Variants in ATAD5 observed in about 807,000 individuals in gnomAD.
ATAD5 encodes ATPase family AAA domain-containing protein 5.
ATAD5 carries 58 observed loss-of-function variants against 176.9 expected under a neutral mutation model. The ratio of observed to expected loss-of-function variants is 0.33; its 90% confidence interval spans 0.27 to 0.41. ATAD5 has a LOEUF of 0.41. Ranked by LOEUF, ATAD5 falls within the 10% of genes least tolerant of loss-of-function variation. The pLI, the probability that ATAD5 is intolerant of heterozygous loss-of-function variation, is 1.00. For missense variants in ATAD5, 1,789 were observed against 2,094.1 expected, an observed-to-expected ratio of 0.85 and a Z score of 2.84; for synonymous variants, 640 against 712.6, an observed-to-expected ratio of 0.90 and a Z score of 1.62.
chr17:30,865,591 A>T, intron 10 of ATAD5, 113 bp from the exon 11 acceptor site: 1 of 575,518 alleles, frequency 1.7e-6, no homozygotes. Flanking sequence ...TGTAAATATA[A>T]ATATTTCTGC....
At chr17:30,882,312 TA>T (rs1281048191) in intron 18 of ATAD5, among the ~76,000 whole-genome samples, 1 of 151,734 alleles carries the variant, frequency 6.6e-6, no homozygotes, top group Non-Finnish European at 1.5e-5. Context: ...CCTATAATCC[TA>T]GCACTTTTGG....
At position 30,869,229 on chromosome 17, in the gene ATAD5, C is replaced by T; in HGVS notation, c.3314-19C>T. 6.3e-7 allele frequency: 1 copy of T among 1,588,602 alleles called. No homozygotes were observed. The highest frequency in any genetic ancestry group is 2.2e-5 in the East Asian group (1 of 44,766). On this transcript the variant is annotated intron_variant, in intron 12 of 22. Coordinates refer to ENST00000321990, the MANE Select transcript of ATAD5 (RefSeq NM_024857.5). ...TCCTCAGCAATTGTCATTTTATATGCATTTGAATAATTTTTCAGATTTCTC... is the reference window on the plus strand; with the variant it reads ...TCCTCAGCAATTGTCATTTTATATGTATTTGAATAATTTTTCAGATTTCTC...
In ATAD5 at chr17:30,834,557, T is replaced by C. The variant is rs754290871; in HGVS notation, c.476T>C (p.Leu159Ser). Residue 159 changes from leucine to serine, a missense_variant, in exon 2 of 23, where the codon TTA becomes TCA. Leu to Ser is a moderately radical substitution (Grantham distance 145, BLOSUM62 -2). Around this residue, in one of 6 missense-constraint regions of ATAD5, gnomAD observed 696 missense variants for 712.5 expected, o/e 0.98. Transcript: ENST00000321990. ...NDFVESSTSVLRYKKQVEVLA... is the reference protein window; with the variant it reads ...NDFVESSTSVSRYKKQVEVLA... Reference sequence around the variant, plus strand: ...TTTGTGGAAAGTAGTACTTCTGTTTTACGTTACAAGAAACAAGTAGAGGTA... The same window carrying C: ...TTTGTGGAAAGTAGTACTTCTGTTTCACGTTACAAGAAACAAGTAGAGGTA... 2 of 1,603,388 alleles carry C rather than the reference T, an allele frequency of 1.2e-6. No individual in the cohort carries two copies. The highest frequency in any genetic ancestry group is 4.5e-5 in the East Asian group (2 of 44,816).
intron 3 of ATAD5, 126 bp downstream of exon 3, chr17:30,837,440 A>G (rs1002150059): frequency 3.1e-6 from 2 of 647,742 alleles, no homozygotes; most frequent in Non-Finnish European, 2.7e-6. Context: ...TAAATTGGTT[A>G]ACTACAACCC....
intron 12 of ATAD5, 97 bp downstream of exon 12, chr17:30,868,509 A>T (rs1301364294): frequency 7.9e-4 from 385 of 486,256 alleles, no homozygotes; most frequent in Non-Finnish European, 8.5e-4. Flanking sequence ...TTTTTTTTTA[A>T]TTTTTTTTTT....
intron 18 of ATAD5, among the ~76,000 whole-genome samples, chr17:30,881,011 G>A (rs919073042): frequency 1.9e-4 from 28 of 150,820 alleles, no homozygotes; most frequent in Middle Eastern, 3.4e-3. Context: ...TTCTTACGAT[G>A]ATGAACAAGG....
chr17:30,876,684 G>T, intron 15 of ATAD5, 134 bp downstream of exon 15: 12 of 238,848 alleles, frequency 5.0e-5, no homozygotes, highest in East Asian at 1.9e-4. Context: ...ACATGTAGAA[G>T]TGTTAATATT....
chr17:30,841,246 G>A (rs569398677), intron 4 of ATAD5, among the ~76,000 whole-genome samples: 1 of 152,208 alleles, frequency 6.6e-6, no homozygotes, highest in South Asian at 2.1e-4. Flanking sequence ...CTGACCTCAG[G>A]TGATCCACCT....
intron 14 of ATAD5, among the ~76,000 whole-genome samples, chr17:30,873,689 C>CTTT (rs775055653): frequency 0.15 from 19,723 of 129,220 alleles, 1,788 homozygotes; most frequent in African/African-American, 0.25. Flanking sequence ...TAAAAATTGC[C>CTTT]TTTTTTTTTT....
rs775988695 is a variant in ATAD5 at position 30,834,927 on chromosome 17, A to G, written c.846A>G (p.Ile282Met). 3.7e-6 allele frequency: 6 copies of G among 1,612,104 alleles called. No individual in the cohort carries two copies. The highest frequency in any genetic ancestry group is 1.3e-5 in the African/African-American group (1 of 74,788). The change falls in exon 2 of 23, where the codon ATA becomes ATG. Residue 282 changes from isoleucine (I) to methionine (M), a missense_variant. Transcript: ENST00000321990. The part of the protein sequence containing the change: ...KSHKENKVEE[I>M]PDSTMSICVP... ...ACAAGGAAAATAAAGTGGAAGAGAT[A>G]CCAGACTCTACAATGTCAATTTGTG...
Position 30,837,224 on chromosome 17 carries a change from T to C in ATAD5, c.1986T>C (p.Ile662=), listed in dbSNP as rs369315723. The C allele has an allele frequency of 3.6e-4, 555 of 1,551,164 alleles. 1 individual carries two copies. The highest frequency in any genetic ancestry group is 3.4e-4 in the Middle Eastern group (2 of 5,852). Reference sequence around the variant, plus strand: ...ATTTCAGAATGAAATTCACCAGAATTAGTACTCCCAAAAAATCTAAGAAAA... The same window carrying C: ...ATTTCAGAATGAAATTCACCAGAATCAGTACTCCCAAAAAATCTAAGAAAA... ...ESPIRMKFTR[I]STPKKSKKKS... is the part of the protein sequence containing the mutation. Residue 662 remains isoleucine (I), a synonymous_variant, in exon 3 of 23, where the codon ATT becomes ATC. Coordinates refer to ENST00000321990, the MANE Select transcript of ATAD5 (RefSeq NM_024857.5).
intron 6 of ATAD5, among the ~76,000 whole-genome samples, chr17:30,853,586 A>G (rs755271345): frequency 6.6e-6 from 1 of 152,214 alleles, no homozygotes; most frequent in African/African-American, 2.4e-5. Context: ...ACAGAAATAC[A>G]GAAAAAGTTT....
In ATAD5 at chr17:30,834,782, A is replaced by C. The variant is rs1213338359; in HGVS notation, c.701A>C (p.Lys234Thr). ...CTAAATTTGCTTAAAAAAGATGGTA[A>C]AGATACTAAACAGATGGAGAATACT... ...EELNLLKKDG[K>T]DTKQMENTTS... is the part of the protein sequence containing the mutation. Residue 234 changes from lysine (K) to threonine (T), a missense_variant, in exon 2 of 23, where the codon AAA becomes ACA. Physicochemically the swap from Lys to Thr is moderately conservative, Grantham distance 78. Transcript: ENST00000321990. 6.8e-6 allele frequency: 11 copies of C among 1,614,014 alleles called. No homozygotes were observed. The highest frequency in any genetic ancestry group is 9.3e-6 in the Non-Finnish European group (11 of 1,179,998).
At chr17:30,846,408 TTC>T (rs1906503750) in intron 6 of ATAD5, among the ~76,000 whole-genome samples, 1 of 149,802 alleles carries the variant, frequency 6.7e-6, no homozygotes, top group Non-Finnish European at 1.5e-5. Context: ...TTTTTTTTTT[TTC>T]TTTTTTTTTT....
chr17:30,880,398 C>T (rs913432323), intron 18 of ATAD5, among the ~76,000 whole-genome samples: 2 of 152,174 alleles, frequency 1.3e-5, no homozygotes, highest in African/African-American at 2.4e-5. Flanking sequence ...CACCTGAGGT[C>T]GGGAGTTTGA....
chr17:30,867,492 A>G (rs180822790), intron 11 of ATAD5, among the ~76,000 whole-genome samples: 2 of 152,356 alleles, frequency 1.3e-5, no homozygotes, highest in African/African-American at 4.8e-5. Flanking sequence ...AAAGTCACAC[A>G]GCTAGAAAGT....
rs34774584 is a variant in ATAD5 at position 30,846,721 on chromosome 17, C to CTT, written c.2450+1820_2450+1821dup. On this transcript the variant is annotated intron_variant, in intron 6 of 22. Coordinates refer to ENST00000321990, the MANE Select transcript of ATAD5 (RefSeq NM_024857.5). ...CAGCCAACAGTTTGAATTTTTCTCT[C>CTT]TTTTTTTTTTTTTTTTGAGACGGAG... Among the ~76,000 whole-genome samples, 999 of 129,240 alleles carry CTT rather than the reference C, an allele frequency of 7.7e-3. 11 individuals carry two copies. The highest frequency in any genetic ancestry group is 0.027 in the African/African-American group (943 of 35,186). The allele number at this position is 129,240 out of a possible 152,430, so 84.8% of individuals were successfully genotyped here.
chr17:30,880,781 T>G (rs1908969265), intron 18 of ATAD5, among the ~76,000 whole-genome samples: 1 of 152,162 alleles, frequency 6.6e-6, no homozygotes, highest in Non-Finnish European at 1.5e-5. Context: ...CTAGGTTTTT[T>G]GCCTAGTAAA....
chr17:30,842,270 AAAATAAAT>A (rs142388314), intron 4 of ATAD5, among the ~76,000 whole-genome samples: 161 of 150,506 alleles, frequency 1.1e-3, no homozygotes, highest in African/African-American at 1.7e-3. Context: ...CTCCATCTCA[AAAATAAAT>A]AAATAAATAA....
Sources: gnomAD v4.1 joint callset for allele counts (sites outside exome capture counted in the v4.1 genomes callset) on GRCh38, gnomAD v4.1.1 for gene constraint, gnomAD v4.1.1 regional missense constraint, MANE v1.5 for transcripts, NCBI Gene and HGNC (gene_info 2026-07-23, HGNC 2026-07-21) for gene names.